Variants in FOXM1 observed in about 807,000 individuals in gnomAD.
The protein encoded by FOXM1 is forkhead box M1.
A neutral mutation model predicts 63.6 loss-of-function variants in FOXM1; 25 were observed. The observed-to-expected ratio is 0.39, with a 90% confidence interval of 0.29 to 0.55. FOXM1 has a LOEUF of 0.55. Among genes scored for constraint, FOXM1 ranks in the 20% least tolerant of loss-of-function variants. The probability of loss-of-function intolerance (pLI) is 0.60; values close to 1 mark genes in which losing one functional copy is unlikely to be tolerated. For missense variants in FOXM1, 879 were observed against 958.7 expected (o/e 0.92, Z 1.10); for synonymous variants, 387 against 376.9 (o/e 1.03, Z -0.31).
In FOXM1 at chr12:2,875,398, C is replaced by T. The variant is rs140293561; in HGVS notation, c.-47-873G>A. On this transcript the variant is annotated intron_variant, in intron 1 of 8. Coordinates refer to ENST00000359843, the MANE Select transcript of FOXM1 (RefSeq NM_021953.4). ...CCACACTACTGGAAAAATCATCTCC[C>T]AGTTTACAAAACCTCACATAAAATG... Among the ~76,000 whole-genome samples, 69 of 152,298 alleles carry T rather than the reference C, an allele frequency of 4.5e-4. No homozygotes were observed. In the East Asian group the frequency reaches 0.012, roughly 26 times the overall value.
Position 2,859,551 on chromosome 12 carries a change from T to A in FOXM1, c.1379A>T (p.Lys460Met), listed in dbSNP as rs776815658. The A allele has an allele frequency of 1.2e-6, 2 of 1,614,104 alleles. No homozygotes were observed. The highest frequency in any genetic ancestry group is 2.2e-5 in the East Asian group (1 of 44,884). The change falls in exon 9 of 9, where the codon AAG becomes ATG. Residue 460 changes from lysine (K) to methionine (M), a missense_variant. By Grantham distance (95) the Lys-to-Met change is moderately conservative. Transcript: ENST00000359843. ...CTCCCCAGGCTGGATTTCTTCCTCC[T>A]TGATAGTCTGAACTGGAAGCAAAGG... ...FSPLLPVQTI[K>M]EEEIQPGEEM...
Position 2,858,591 on chromosome 12 carries a change from G to T in FOXM1, c.*47C>A. On this transcript the variant is annotated 3_prime_UTR_variant, in exon 9 of 9. Coordinates refer to ENST00000359843, the MANE Select transcript of FOXM1 (RefSeq NM_021953.4). ...GGCTTGGGGTGCACTGAGCCTTGGA[G>T]TGCCCGGGATGGTGGACAGCTTGAG... 2 of 1,549,598 alleles carry T rather than the reference G, an allele frequency of 1.3e-6. No individual in the cohort carries two copies. The highest frequency in any genetic ancestry group is 1.8e-6 in the Non-Finnish European group (2 of 1,137,382).
intron 8 of FOXM1, among the ~76,000 whole-genome samples, chr12:2,863,502 C>T (rs1603500139): frequency 6.6e-6 from 1 of 152,002 alleles, no homozygotes; most frequent in Non-Finnish European, 1.5e-5. Context: ...GATCCTTCTG[C>T]CTCAGCCTCC....
rs2153931050 is a variant in FOXM1 at position 2,858,749 on chromosome 12, C to A, written c.2181G>T (p.Met727Ile). 1 of 1,614,244 alleles carries A rather than the reference C, an allele frequency of 6.2e-7. No individual in the cohort carries two copies. Among genetic ancestry groups the A allele is most frequent in the Non-Finnish European group, 8.5e-7 (1 of 1,180,042 alleles). Residue 727 changes from methionine to isoleucine, a missense_variant, in exon 9 of 9, where the codon ATG (methionine) becomes ATT (isoleucine). Coordinates refer to ENST00000359843, the MANE Select transcript of FOXM1 (RefSeq NM_021953.4). ...GCAGGATCTTGCTGAGGCTGTCATT[C>A]ATTGTGTCCAGGACCAGGCCTTCTG... ...SLTEGLVLDT[M>I]NDSLSKILLD...
intron 4 of FOXM1, among the ~76,000 whole-genome samples, 164 bp from the exon 5 acceptor site, chr12:2,866,685 C>T (rs28990706): frequency 0.012 from 1,780 of 152,308 alleles, 37 homozygotes; most frequent in African/African-American, 0.04. Flanking sequence ...CACTCCACAC[C>T]GCAGAGCCGT....
At position 2,861,167 on chromosome 12, in the gene FOXM1, C is replaced by CAAA. The variant is rs1216502555; in HGVS notation, c.1267-1507_1267-1505dup. Reference sequence around the variant, plus strand: ...TGGGTGACAGAGCAAGACTCCGTCTCAAAAAAAAAAAAAAAGAGCTCTCAC... The same window carrying CAAA: ...TGGGTGACAGAGCAAGACTCCGTCTCAAAAAAAAAAAAAAAAAAGAGCTCTCAC... On this transcript the variant is annotated intron_variant, in intron 8 of 8. Transcript: ENST00000359843. 0.011 allele frequency: 4,345 copies of CAAA among 390,286 alleles called. 194 individuals are homozygous for CAAA. In the African/African-American group the frequency reaches 0.12, roughly 11 times the overall value. The allele number at this position is 390,286 out of a possible 1,614,324, so 24.2% of individuals were successfully genotyped here.
chr12:2,864,280 T>C lies in FOXM1; in HGVS notation c.1266+40A>G, dbSNP rs28990717. The stretch of plus-strand genomic sequence containing the variant: ...CAAGCTGAAGGTCCAACATTCTTAA[T>C]TGGCCAGAATCTCTCTTCAGAGGAA... On this transcript the variant is annotated intron_variant, in intron 8 of 8. Transcript: ENST00000359843. This position sits in a 1 kb window ranked among gnomAD's most constrained non-coding sequence, Gnocchi z 5.1. 2 of 1,551,246 alleles carry C rather than the reference T, an allele frequency of 1.3e-6. No homozygotes were observed. The highest frequency in any genetic ancestry group is 1.8e-5 in the Admixed American group (1 of 54,786).
In FOXM1 at chr12:2,874,776, TCTC is replaced by T. The variant is rs28990690; in HGVS notation, c.-47-254_-47-252del. Among the ~76,000 whole-genome samples, 2 of 152,020 alleles carry T rather than the reference TCTC, an allele frequency of 1.3e-5. No homozygotes were observed. Among genetic ancestry groups the T allele is most frequent in the African/African-American group, 4.8e-5 (2 of 41,366 alleles). ...GACTGGGTTGGAGATAAGACAAAGA[TCTC>T]CTTGAAGCTTCAGAATATTTGGCTA... On this transcript the variant is annotated intron_variant, in intron 1 of 8. Transcript: ENST00000359843. The surrounding 1 kb of genome is among the most constrained non-coding windows in gnomAD (Gnocchi z 4.3).
At chr12:2,868,451 A>C in intron 4 of FOXM1, 112 bp downstream of exon 4, 1 of 715,834 alleles carries the variant, frequency 1.4e-6, no homozygotes. Context: ...TTTGTTTATC[A>C]TTCTAGTGTC....
Position 2,864,825 on chromosome 12 carries a change from C to T in FOXM1, c.1021-73G>A. ...AGGTAAAGAGGGGATGGCAAAACCC[C>T]ACCAGCTGCTCTGGTGGTGTGTGCT... On this transcript the variant is annotated intron_variant, in intron 6 of 8. Transcript: ENST00000359843. This position sits in a 1 kb window ranked among gnomAD's most constrained non-coding sequence, Gnocchi z 5.1. 1 of 1,508,722 alleles carries T rather than the reference C, an allele frequency of 6.6e-7. No individual in the cohort carries two copies. The highest frequency in any genetic ancestry group is 9.2e-7 in the Non-Finnish European group (1 of 1,084,818). 93.5% of individuals were successfully genotyped at this position (1,508,722 alleles called of 1,614,324 possible).
At chr12:2,859,776 A>G in intron 8 of FOXM1, 113 bp from the exon 9 acceptor site, 1 of 753,202 alleles carries the variant, frequency 1.3e-6, no homozygotes, top group Non-Finnish European at 2.1e-6. Flanking sequence ...AAAATCTATT[A>G]AATATGAGAA....
intron 4 of FOXM1, among the ~76,000 whole-genome samples, chr12:2,867,778 C>T (rs2153937039): frequency 6.6e-6 from 1 of 150,718 alleles, no homozygotes; most frequent in South Asian, 2.1e-4. Context: ...GAGTTCGAGA[C>T]CAGCCTGACC....
intron 2 of FOXM1, among the ~76,000 whole-genome samples, chr12:2,873,007 T>G (rs2098135815): frequency 6.6e-6 from 1 of 152,160 alleles, no homozygotes; most frequent in Non-Finnish European, 1.5e-5. Flanking sequence ...TGAGCCGTGA[T>G]TGCGCCACTG....
intron 8 of FOXM1, 57 bp from the exon 9 acceptor site, chr12:2,859,720 A>G: frequency 7.7e-7 from 1 of 1,292,490 alleles, no homozygotes; most frequent in Non-Finnish European, 1.1e-6. Flanking sequence ...ACGCACAAAA[A>G]TATCACATAC....
In FOXM1 at chr12:2,857,933, G is replaced by T. The variant is rs2098093828; in HGVS notation, c.*705C>A. 1 of 152,490 alleles carries T rather than the reference G, an allele frequency of 6.6e-6. No individual in the cohort carries two copies. Among genetic ancestry groups the T allele is most frequent in the Non-Finnish European group, 1.5e-5 (1 of 68,108 alleles). The allele number at this position is 152,490 out of a possible 1,614,324, so 9.4% of individuals were successfully genotyped here. ...ATCTGGGCACCCACACTCTGCTTCA[G>T]TTGCATCCATCCTCCCACCCCAAAT... is the stretch of plus-strand genomic sequence containing the variant. On this transcript the variant is annotated 3_prime_UTR_variant, in exon 9 of 9. Coordinates refer to ENST00000359843, the MANE Select transcript of FOXM1 (RefSeq NM_021953.4).
rs571188379 is a variant in FOXM1, at chr12:2,874,518, T to C, written c.-40A>G. 2.6e-6 allele frequency: 4 copies of C among 1,551,682 alleles called. No homozygotes were observed. The South Asian group carries it at 3.7e-5, about 14-fold the overall frequency. The stretch of plus-strand genomic sequence containing the variant: ...TTCACTCTCCATTGAGAATCACAAG[T>C]GTGGACCCTGGAAAATGCAAATAGT... On this transcript the variant is annotated 5_prime_UTR_variant, in exon 2 of 9. Coordinates refer to ENST00000359843, the MANE Select transcript of FOXM1 (RefSeq NM_021953.4). The surrounding 1 kb of genome is among the most constrained non-coding windows in gnomAD (Gnocchi z 4.3).
intron 5 of FOXM1, among the ~76,000 whole-genome samples, 179 bp from the exon 6 acceptor site, chr12:2,865,578 C>G (rs2098121647): frequency 6.6e-6 from 1 of 151,448 alleles, no homozygotes. Context: ...TCTGAAAAAC[C>G]AAAATAACTT....
In FOXM1 at chr12:2,864,880, C is replaced by T. The variant is rs2098120347; in HGVS notation, c.1021-128G>A. On this transcript the variant is annotated intron_variant, in intron 6 of 8. Coordinates refer to ENST00000359843, the MANE Select transcript of FOXM1 (RefSeq NM_021953.4). This position sits in a 1 kb window ranked among gnomAD's most constrained non-coding sequence, Gnocchi z 5.1. ...TTAATGACAGCCCAGAGAGAGGAGG[C>T]CAACCTGAGGGGATGGACGTAGGCG... 3.0e-6 allele frequency: 3 copies of T among 1,008,118 alleles called. No homozygotes were observed. In the Admixed American group the frequency reaches 5.3e-5, roughly 18 times the overall value. 62.4% of individuals were successfully genotyped at this position (1,008,118 alleles called of 1,614,324 possible). A position where few individuals can be genotyped will look rare whatever the true frequency, so the allele number is the denominator to read the frequency against.
chr12:2,869,617 T>G (rs1010682836), intron 3 of FOXM1, among the ~76,000 whole-genome samples: 4 of 152,006 alleles, frequency 2.6e-5, no homozygotes, highest in Admixed American at 2.6e-4. Context: ...TTTGTATTTT[T>G]AGTAGAGATG....
Sources: allele counts gnomAD v4.1 joint callset (sites outside exome capture counted in the v4.1 genomes callset), GRCh38; gene constraint gnomAD v4.1.1; non-coding constraint Gnocchi (gnomAD v3.1); transcripts MANE v1.5; gene names NCBI Gene and HGNC (gene_info 2026-07-23, HGNC 2026-07-21).